The following OLA1 variants were observed in gnomAD, a reference collection of about 807,000 sequenced individuals.
OLA1 encodes the protein Obg like ATPase 1, also known as obg-like ATPase 1.
A neutral mutation model predicts 48.4 loss-of-function variants in OLA1; 14 were observed. That is an observed-to-expected ratio of 0.29 (90% CI 0.19 to 0.45). OLA1 has a LOEUF of 0.45. OLA1 is among the 20% of genes least tolerant of loss of function. The pLI is 1.00. For missense variants in OLA1, 325 were observed against 467.1 expected (o/e 0.70, Z 2.80); for synonymous variants, 127 against 150.4 (o/e 0.84, Z 1.14).
intron 7 of OLA1, among the ~76,000 whole-genome samples, chr2:174,098,153 C>G (rs972269119): frequency 2.6e-5 from 4 of 152,082 alleles, no homozygotes; most frequent in African/African-American, 9.7e-5. Flanking sequence ...CAAATAGGCA[C>G]GTGAAACAAT....
intron 9 of OLA1, chr2:174,080,881 T>C (rs944197385): frequency 3.2e-5 from 11 of 345,172 alleles, no homozygotes; most frequent in Non-Finnish European, 4.8e-5. Context: ...TGGTGCGTCT[T>C]ATCTCTGACC....
At position 174,074,076 on chromosome 2, in the gene OLA1, C is replaced by T. The variant is rs1684669217; in HGVS notation, c.*1350G>A. 6.6e-6 allele frequency: 1 copy of T among 152,186 alleles called. No homozygotes were observed. Among genetic ancestry groups the T allele is most frequent in the Admixed American group, 6.5e-5 (1 of 15,282 alleles). The allele number at this position is 152,186 out of a possible 1,614,324, so 9.4% of individuals were successfully genotyped here. ...GTATAGCCAAATCTTTAAAAAATCA[C>T]CCCTTTTCTTGCCTCTAGTGCTACA... On this transcript the variant is annotated 3_prime_UTR_variant, in exon 11 of 11. Transcript: ENST00000284719.
chr2:174,210,437 T>C (rs1370687865), intron 4 of OLA1, among the ~76,000 whole-genome samples: 2 of 152,194 alleles, frequency 1.3e-5, no homozygotes, highest in African/African-American at 4.8e-5. Flanking sequence ...GTAACATGTA[T>C]TACAAAGTTA....
At position 174,241,602 on chromosome 2, in the gene OLA1, A is replaced by G. The variant is rs1474608763; in HGVS notation, c.101+5113T>C. On this transcript the variant is annotated intron_variant, in intron 2 of 10. Coordinates refer to ENST00000284719, the MANE Select transcript of OLA1 (RefSeq NM_013341.5). The stretch of plus-strand genomic sequence containing the variant: ...TGAACACAGTATACTAGTTGCCCAT[A>G]ATATCCATTTTCCCCTTCTTTCAGA... Among the ~76,000 whole-genome samples, 4 of 152,190 alleles carry G rather than the reference A, an allele frequency of 2.6e-5. No individual in the cohort carries two copies. In the East Asian group the frequency reaches 7.7e-4, roughly 29 times the overall value.
intron 4 of OLA1, among the ~76,000 whole-genome samples, chr2:174,207,132 G>T (rs753111392): frequency 3.3e-5 from 5 of 152,148 alleles, no homozygotes; most frequent in Admixed American, 1.3e-4. Flanking sequence ...ACCTAAGTTG[G>T]GGGGGAGCAA....
intron 4 of OLA1, among the ~76,000 whole-genome samples, chr2:174,197,407 G>A (rs1360833788): frequency 6.8e-6 from 1 of 147,004 alleles, no homozygotes; most frequent in Admixed American, 6.9e-5. Context: ...TAGAAGGTAT[G>A]TTGTTTTGAT....
At chr2:174,140,691 T>C (rs1475683227) in intron 5 of OLA1, among the ~76,000 whole-genome samples, 2 of 152,074 alleles carry the variant, frequency 1.3e-5, no homozygotes, top group Non-Finnish European at 2.9e-5. Flanking sequence ...GTCTAGTACA[T>C]GGTGATGGCT....
chr2:174,209,238 C>T (rs1343947461), intron 4 of OLA1, among the ~76,000 whole-genome samples: 1 of 152,174 alleles, frequency 6.6e-6, no homozygotes, highest in African/African-American at 2.4e-5. Context: ...CACTTGCCAG[C>T]ATAAAAATCA....
intron 4 of OLA1, among the ~76,000 whole-genome samples, chr2:174,177,786 G>C (rs1314001936): frequency 6.6e-6 from 1 of 151,722 alleles, no homozygotes; most frequent in Non-Finnish European, 1.5e-5. Context: ...AGTACATCTG[G>C]ATTTCTTAAA....
chr2:174,109,234 G>GT (rs937170540), intron 7 of OLA1, among the ~76,000 whole-genome samples: 2 of 152,044 alleles, frequency 1.3e-5, no homozygotes, highest in African/African-American at 2.4e-5. Context: ...AATCAGCATT[G>GT]TTTTTTCTTT....
rs139492134 is a variant in OLA1, at chr2:174,088,982, T to C, written c.729-6918A>G. On this transcript the variant is annotated intron_variant, in intron 7 of 10. Transcript: ENST00000284719. Reference sequence around the variant, plus strand: ...GTTCTTGTCTGACTTCACGGAGTTGTACAGAATAACATAATTGCAACTTTG... The same window carrying C: ...GTTCTTGTCTGACTTCACGGAGTTGCACAGAATAACATAATTGCAACTTTG... Among the ~76,000 whole-genome samples, 6 of 152,332 alleles carry C rather than the reference T, an allele frequency of 3.9e-5. No homozygotes were observed. In the East Asian group the frequency reaches 1.2e-3, roughly 29 times the overall value.
chr2:174,142,424 T>A (rs951112359), intron 4 of OLA1, among the ~76,000 whole-genome samples: 1 of 152,180 alleles, frequency 6.6e-6, no homozygotes, highest in African/African-American at 2.4e-5. Context: ...TGCTTCAATC[T>A]ACTTTATCAC....
At chr2:174,109,416 C>T (rs1046425587) in intron 7 of OLA1, among the ~76,000 whole-genome samples, 1 of 152,280 alleles carries the variant, frequency 6.6e-6, no homozygotes, top group East Asian at 1.9e-4. Context: ...TGTCCCATCA[C>T]ATACCATAAT....
intron 5 of OLA1, among the ~76,000 whole-genome samples, chr2:174,132,048 TAA>T (rs1686194591): frequency 6.6e-6 from 1 of 152,104 alleles, no homozygotes; most frequent in African/African-American, 2.4e-5. Context: ...TTGATAGATA[TAA>T]GACTATTTAC....
intron 7 of OLA1, among the ~76,000 whole-genome samples, chr2:174,104,784 C>G (rs1171699202): frequency 6.6e-6 from 1 of 151,852 alleles, no homozygotes; most frequent in South Asian, 2.1e-4. Context: ...TATGCAATTC[C>G]GGTTTATTTC....
At chr2:174,179,464 A>T (rs2105412396) in intron 4 of OLA1, among the ~76,000 whole-genome samples, 1 of 152,094 alleles carries the variant, frequency 6.6e-6, no homozygotes, top group South Asian at 2.1e-4. Context: ...CCTTATATTA[A>T]CTTAGGAATA....
intron 5 of OLA1, among the ~76,000 whole-genome samples, chr2:174,139,889 GAAAGA>G (rs1686402309): frequency 7.6e-6 from 1 of 131,954 alleles, no homozygotes; most frequent in Non-Finnish European, 1.7e-5. Flanking sequence ...AAGAAAGAAA[GAAAGA>G]AAAAAAAAAG....
At chr2:174,115,231 T>C (rs1706329454) in intron 7 of OLA1, among the ~76,000 whole-genome samples, 1 of 152,262 alleles carries the variant, frequency 6.6e-6, no homozygotes, top group African/African-American at 2.4e-5. Flanking sequence ...TAGACAAATG[T>C]TGGCTGCTGT....
chr2:174,222,148 A>T (rs1282310493), intron 4 of OLA1, among the ~76,000 whole-genome samples: 1 of 152,140 alleles, frequency 6.6e-6, no homozygotes, highest in Non-Finnish European at 1.5e-5. Context: ...AGGCAAACAA[A>T]TCTTTTTTCT....
Sources: allele counts gnomAD v4.1 joint callset (sites outside exome capture counted in the v4.1 genomes callset), GRCh38; gene constraint gnomAD v4.1.1; transcripts MANE v1.5; gene names NCBI Gene and HGNC (gene_info 2026-07-23, HGNC 2026-07-21).